MAP3K9: variants seen among roughly 807,000 people sequenced by gnomAD.
MAP3K9 encodes mitogen-activated protein kinase kinase kinase 9.
A neutral mutation model predicts 95.8 loss-of-function variants in MAP3K9; 46 were observed. The ratio of observed to expected loss-of-function variants is 0.48; its 90% CI spans 0.38 to 0.61. The LOEUF (loss-of-function observed/expected upper bound fraction) is 0.61. Ranked by LOEUF, MAP3K9 falls within the 20% of genes least tolerant of loss-of-function variation. MAP3K9 has a pLI of 0.00. For synonymous variants in MAP3K9, 533 were observed against 593.8 expected (o/e 0.90, Z 1.49); for missense variants, 1,296 against 1,474.3 (o/e 0.88, Z 1.98).
At chr14:70,760,493 G>A (rs2054358373) in intron 3 of MAP3K9, among the ~76,000 whole-genome samples, 1 of 152,106 alleles carries the variant, frequency 6.6e-6, no homozygotes, top group Non-Finnish European at 1.5e-5. Flanking sequence ...ACTAAAAGAT[G>A]AACTAGATAA....
chr14:70,805,496 G>C (rs1566772003), intron 1 of MAP3K9, among the ~76,000 whole-genome samples: 1 of 152,204 alleles, frequency 6.6e-6, no homozygotes, highest in African/African-American at 2.4e-5. Flanking sequence ...GTCATCCATA[G>C]ACAGCTAAAC....
chr14:70,758,381 T>TA (rs1566745155), intron 3 of MAP3K9, among the ~76,000 whole-genome samples: 67 of 152,104 alleles, frequency 4.4e-4, no homozygotes, highest in African/African-American at 1.3e-3. Context: ...AACTTTTTTT[T>TA]TAAAAAAAGG....
chr14:70,741,840 G>A (rs74762543), intron 6 of MAP3K9, among the ~76,000 whole-genome samples: 6,331 of 152,216 alleles, frequency 0.042, 135 homozygotes, highest in East Asian at 0.094. Flanking sequence ...CCAGCTGCTC[G>A]GGGGCCTGGG....
intron 5 of MAP3K9, among the ~76,000 whole-genome samples, chr14:70,743,290 A>AT (rs1175877356): frequency 2.6e-5 from 4 of 152,150 alleles, no homozygotes; most frequent in African/African-American, 9.7e-5. Context: ...GACAAGCCAA[A>AT]TTTTTTCTAT....
At chr14:70,794,172 A>G (rs1346683570) in intron 2 of MAP3K9, among the ~76,000 whole-genome samples, 1 of 152,202 alleles carries the variant, frequency 6.6e-6, no homozygotes, top group African/African-American at 2.4e-5. Context: ...GCTAAAGAAG[A>G]AAGTGCCTCT....
chr14:70,796,327 T>C (rs535367898), intron 2 of MAP3K9, among the ~76,000 whole-genome samples: 1 of 152,348 alleles, frequency 6.6e-6, no homozygotes, highest in East Asian at 1.9e-4. Flanking sequence ...TGATGTGATG[T>C]GGTAAAGTAG....
rs189808639 is a variant in MAP3K9, at chr14:70,754,962, A to C, written c.1002-4881T>G. Among the ~76,000 whole-genome samples, 162 of 152,294 alleles carry C rather than the reference A, an allele frequency of 1.1e-3. 2 individuals are homozygous for C. The highest frequency in any genetic ancestry group is 1.5e-4 in the Non-Finnish European group (10 of 68,020). On this transcript the variant is annotated intron_variant, in intron 3 of 11. Coordinates refer to ENST00000554752, the MANE Select transcript of MAP3K9 (RefSeq NM_001284230.2). ...AGTCCCCAATCCAAGCAGACTGGGAAACTTACACAATTGAGGATCCAGCCC... is the reference window on the plus strand; with the variant it reads ...AGTCCCCAATCCAAGCAGACTGGGACACTTACACAATTGAGGATCCAGCCC...
chr14:70,793,487 G>C (rs899134033), intron 2 of MAP3K9, among the ~76,000 whole-genome samples: 2 of 152,028 alleles, frequency 1.3e-5, no homozygotes, highest in Admixed American at 1.3e-4. Flanking sequence ...AGGAGTTCAA[G>C]ACCAGCCTGG....
rs959543537 is a variant in MAP3K9 at position 70,730,026 on chromosome 14, A to C, written c.*354T>G. Reference sequence around the variant, plus strand: ...GGGACCCTATGACAGCTCTGCGCACACCCAACTGGCTGAGGAGAGGGAGCA... The same window carrying C: ...GGGACCCTATGACAGCTCTGCGCACCCCCAACTGGCTGAGGAGAGGGAGCA... On this transcript the variant is annotated 3_prime_UTR_variant, in exon 12 of 12. Coordinates refer to ENST00000554752, the MANE Select transcript of MAP3K9 (RefSeq NM_001284230.2). The C allele has an allele frequency of 3.1e-5, 8 of 258,312 alleles. No individual in the cohort carries two copies. Among genetic ancestry groups the C allele is most frequent in the Non-Finnish European group, 5.2e-5 (7 of 133,598 alleles). The allele number at this position is 258,312 out of a possible 1,614,324, so 16.0% of individuals were successfully genotyped here. A position where few individuals can be genotyped will look rare whatever the true frequency, so the allele number is the denominator to read the frequency against.
In MAP3K9 at chr14:70,768,358, A is replaced by G. The variant is rs377191853; in HGVS notation, c.821-7176T>C. ...TATCACTATTGTAAATGGGAAAGCC[A>G]AAAATTCTCCTAACATTGAGTAACC... On this transcript the variant is annotated intron_variant, in intron 2 of 11. Coordinates refer to ENST00000554752, the MANE Select transcript of MAP3K9 (RefSeq NM_001284230.2). Among the ~76,000 whole-genome samples, 15 of 152,328 alleles carry G rather than the reference A, an allele frequency of 9.8e-5. No homozygotes were observed. The South Asian group carries it at 2.9e-3, about 29-fold the overall frequency.
chr14:70,775,895 C>T (rs1340734920), intron 2 of MAP3K9, among the ~76,000 whole-genome samples: 1 of 152,012 alleles, frequency 6.6e-6, no homozygotes, highest in Non-Finnish European at 1.5e-5. Flanking sequence ...GAAGTTAAGA[C>T]TAAATATTTG....
intron 2 of MAP3K9, among the ~76,000 whole-genome samples, chr14:70,763,911 C>T (rs2054409144): frequency 6.6e-6 from 1 of 151,378 alleles, no homozygotes; most frequent in Non-Finnish European, 1.5e-5. Flanking sequence ...TCAGGCCGGG[C>T]GCGGTGGCTC....
At chr14:70,775,960 G>A (rs1024371383) in intron 2 of MAP3K9, among the ~76,000 whole-genome samples, 6 of 152,058 alleles carry the variant, frequency 3.9e-5, no homozygotes, top group East Asian at 1.9e-4. Context: ...AGGCCGAGGC[G>A]GGTGGATCAC....
In MAP3K9 at chr14:70,797,417, A is replaced by AAATAAT. The variant is rs10624095; in HGVS notation, c.820+3244_820+3249dup. ...CAAAGCAAGACTCCCATCTCTATTA[A>AAATAAT]AATAATAATAATAATAATAATAAAA... On this transcript the variant is annotated intron_variant, in intron 2 of 11. Transcript: ENST00000554752. Among the ~76,000 whole-genome samples, 282 of 149,596 alleles carry AAATAAT rather than the reference A, an allele frequency of 1.9e-3. 1 individual carries two copies. The highest frequency in any genetic ancestry group is 3.7e-3 in the African/African-American group (151 of 40,708).
chr14:70,750,095 G>A lies in MAP3K9; in HGVS notation c.1002-14C>T. 6.2e-7 allele frequency: 1 copy of A among 1,612,648 alleles called. No individual in the cohort carries two copies. The highest frequency in any genetic ancestry group is 8.5e-7 in the Non-Finnish European group (1 of 1,178,790). On this transcript the variant is annotated splice_polypyrimidine_tract_variant and intron_variant, in intron 3 of 11. Transcript: ENST00000554752. ...AGCACCCCATAGCTAAGGAGAGGAAGAAGACAGAAGCCATGTAATAAACTT... is the reference window on the plus strand; with the variant it reads ...AGCACCCCATAGCTAAGGAGAGGAAAAAGACAGAAGCCATGTAATAAACTT...
intron 3 of MAP3K9, 65 bp from the exon 4 acceptor site, chr14:70,750,146 C>CCT (rs10630067): frequency 1.1e-3 from 1,660 of 1,455,742 alleles, no homozygotes; most frequent in Non-Finnish European, 1.4e-3. Flanking sequence ...TGCAATAGCT[C>CCT]GAGTCTTTTC....
intron 2 of MAP3K9, among the ~76,000 whole-genome samples, chr14:70,773,031 T>C (rs1566754211): frequency 6.6e-6 from 1 of 152,192 alleles, no homozygotes; most frequent in African/African-American, 2.4e-5. Context: ...TGAATTCATA[T>C]TTTCTCAACA....
intron 2 of MAP3K9, among the ~76,000 whole-genome samples, chr14:70,793,079 G>C (rs1296147168): frequency 6.6e-6 from 1 of 152,206 alleles, no homozygotes; most frequent in Non-Finnish European, 1.5e-5. Flanking sequence ...GAGCGTGACA[G>C]GCAGTCCCCA....
intron 2 of MAP3K9, among the ~76,000 whole-genome samples, chr14:70,792,836 A>T (rs1594809310): frequency 6.6e-6 from 1 of 152,376 alleles, no homozygotes; most frequent in Non-Finnish European, 1.5e-5. Flanking sequence ...TCCAGGGCTT[A>T]GAATGTTAGA....
Sources: allele counts gnomAD v4.1 joint callset (sites outside exome capture counted in the v4.1 genomes callset), GRCh38; gene constraint gnomAD v4.1.1; transcripts MANE v1.5; gene names NCBI Gene and HGNC (gene_info 2026-07-23, HGNC 2026-07-21).